The following EP400 variants were observed in gnomAD, a reference collection of about 807,000 sequenced individuals.
EP400 encodes E1A-binding protein p400.
In EP400, 105 loss-of-function variants were observed where a neutral mutation model predicts 354.1. That is an observed-to-expected ratio of 0.30 (90% CI 0.25 to 0.35). The LOEUF (loss-of-function observed/expected upper bound fraction) is 0.35. Ranked by LOEUF, EP400 falls within the 10% of genes least tolerant of loss-of-function variation. The probability of loss-of-function intolerance (pLI) is 1.00; values close to 1 mark genes in which losing one functional copy is unlikely to be tolerated. For missense variants in EP400, 3,280 were observed against 4,121.0 expected (o/e 0.80, Z 5.59); for synonymous variants, 1,646 against 1,716.9 (o/e 0.96, Z 1.02).
intron 51 of EP400, among the ~76,000 whole-genome samples, chr12:132,069,957 T>C (rs1196522144): frequency 1.3e-5 from 2 of 151,986 alleles, no homozygotes; most frequent in Non-Finnish European, 2.9e-5. Flanking sequence ...TTTAAAAATA[T>C]ATTTTATTTT....
rs1895075269 is a variant in EP400, at chr12:132,045,744, G to A, written c.7044G>A (p.Leu2348=). 6.2e-7 allele frequency: 1 copy of A among 1,614,246 alleles called. No homozygotes were observed. The highest frequency in any genetic ancestry group is 2.2e-5 in the East Asian group (1 of 44,888). ...WALLQAVKQL[L]ELPLNLTIVS... is the part of the protein sequence containing the mutation. ...TTCTCTAGGCTGTAAAGCAGTTACT[G>A]GAGCTGCCTTTGAACCTCACAATCG... Residue 2348 remains leucine, a synonymous_variant, in exon 39 of 53, where the codon CTG becomes CTA. Transcript: ENST00000389561.
rs748684899 is a variant in EP400 at position 132,032,036 on chromosome 12, T to C, written c.5838T>C (p.Leu1946=). ...STHSRTTGIN[L]VEADTVVFYD... is the part of the protein sequence containing the mutation. Reference sequence around the variant, plus strand: ...ACAGCCGTACCACAGGTATAAACCTTGTAGAGGCGGACACCGTCGTGTTTT... The same window carrying C: ...ACAGCCGTACCACAGGTATAAACCTCGTAGAGGCGGACACCGTCGTGTTTT... The change falls in exon 30 of 53, where the codon CTT becomes CTC. Residue 1946 remains leucine, a synonymous_variant. Coordinates refer to ENST00000389561, the MANE Select transcript of EP400 (RefSeq NM_015409.5). 3 of 1,614,228 alleles carry C rather than the reference T, an allele frequency of 1.9e-6. No individual in the cohort carries two copies. The highest frequency in any genetic ancestry group is 2.5e-6 in the Non-Finnish European group (3 of 1,180,040).
intron 30 of EP400, among the ~76,000 whole-genome samples, chr12:132,036,937 T>C (rs1894738596): frequency 1.3e-5 from 2 of 152,220 alleles, no homozygotes; most frequent in Non-Finnish European, 2.9e-5. Context: ...GGTTTCTCTT[T>C]AATATTTAGG....
chr12:132,016,395 T>C (rs1425105047), intron 19 of EP400, among the ~76,000 whole-genome samples: 3 of 151,550 alleles, frequency 2.0e-5, no homozygotes, highest in Admixed American at 2.0e-4. Context: ...TGAGATGGAG[T>C]CTCGCTCTTG....
At chr12:132,022,491 G>C (rs1376610593) in intron 23 of EP400, among the ~76,000 whole-genome samples, 1 of 152,138 alleles carries the variant, frequency 6.6e-6, no homozygotes, top group Non-Finnish European at 1.5e-5. Context: ...TTCTGGCATG[G>C]ATTTCTCGGG....
intron 41 of EP400, among the ~76,000 whole-genome samples, chr12:132,051,352 TA>T (rs925114819): frequency 7.2e-5 from 11 of 152,062 alleles, no homozygotes; most frequent in Admixed American, 7.2e-4. Flanking sequence ...AAGACAGAGA[TA>T]AAAGACAGCT....
intron 1 of EP400, 123 bp from the exon 2 acceptor site, chr12:131,960,462 G>C: frequency 1.0e-6 from 1 of 968,850 alleles, no homozygotes; most frequent in Non-Finnish European, 1.5e-6. Context: ...ATGTGAGTCA[G>C]CTCTGTCGTT....
intron 12 of EP400, among the ~76,000 whole-genome samples, chr12:131,995,710 G>A (rs1318804683): frequency 1.4e-5 from 2 of 145,426 alleles, no homozygotes; most frequent in Non-Finnish European, 3.0e-5. Flanking sequence ...TGAATGTGCC[G>A]TTCATCCTGA....
At position 132,027,514 on chromosome 12, in the gene EP400, A is replaced by G. The variant is rs774126290; in HGVS notation, c.5092A>G (p.Ile1698Val). Residue 1698 changes from isoleucine to valine, a missense_variant, in exon 26 of 53, where the codon ATT (isoleucine) becomes GTT (valine). Coordinates refer to ENST00000389561, the MANE Select transcript of EP400 (RefSeq NM_015409.5). This position sits in a 1 kb window ranked among gnomAD's most constrained non-coding sequence, Gnocchi z 4.9. ...AACGGCCTCCAAACCAGCTTCTCCCATTGGAGGGCCGACCCAGGTAAGCAC... is the reference window on the plus strand; with the variant it reads ...AACGGCCTCCAAACCAGCTTCTCCCGTTGGAGGGCCGACCCAGGTAAGCAC... ...PGTASKPASP[I>V]GGPTQEEKTR... 3.7e-6 allele frequency: 6 copies of G among 1,612,918 alleles called. 1 individual carries two copies. In the Middle Eastern group the frequency reaches 9.9e-4, roughly 267 times the overall value.
At chr12:132,059,075 A>G (rs1895606642) in intron 45 of EP400, among the ~76,000 whole-genome samples, 1 of 149,448 alleles carries the variant, frequency 6.7e-6, no homozygotes, top group African/African-American at 2.5e-5. Flanking sequence ...AGAATAATTA[A>G]TTATCAGGCC....
intron 15 of EP400, among the ~76,000 whole-genome samples, chr12:132,008,493 G>A (rs1390908116): frequency 6.6e-6 from 1 of 152,162 alleles, no homozygotes; most frequent in Non-Finnish European, 1.5e-5. Context: ...GTTAATTCAA[G>A]ATGGAAAAGC....
At position 131,960,707 on chromosome 12, in the gene EP400, G is replaced by GGGCCCCCCCCCCCCC. The variant is rs71453134; in HGVS notation, c.88_89insGGCCCCCCCCCCCCC (p.Ala30delinsGlyProProProProPro). 2.6e-6 allele frequency: 4 copies of GGGCCCCCCCCCCCCC among 1,545,586 alleles called. No individual in the cohort carries two copies. The highest frequency in any genetic ancestry group is 3.5e-6 in the Non-Finnish European group (4 of 1,146,242). ...TGGCAGCGAGGGTGAGGAGCAGCCGGCCCACCCCAACCCACCCCCGTCCCC... is the reference window on the plus strand; with the variant it reads ...TGGCAGCGAGGGTGAGGAGCAGCCGGGGCCCCCCCCCCCCCCCCACCCCAACCCACCCCCGTCCCC... On this transcript the variant is annotated protein_altering_variant, in exon 2 of 53. Transcript: ENST00000389561.
chr12:132,072,669 C>G (rs543277048), intron 51 of EP400, among the ~76,000 whole-genome samples: 8 of 152,276 alleles, frequency 5.3e-5, no homozygotes, highest in African/African-American at 1.9e-4. Context: ...GTAACTGGGT[C>G]AAGTTTACTG....
At chr12:132,056,803 AT>A (rs1895530435) in intron 45 of EP400, among the ~76,000 whole-genome samples, 1 of 152,250 alleles carries the variant, frequency 6.6e-6, no homozygotes, top group South Asian at 2.1e-4. Flanking sequence ...AACGAAAAGC[AT>A]AGACTGGGAG....
intron 2 of EP400, among the ~76,000 whole-genome samples, chr12:131,976,060 G>A (rs554493391): frequency 2.6e-5 from 4 of 151,822 alleles, no homozygotes; most frequent in South Asian, 2.1e-4. Context: ...TTTTTATTTC[G>A]GATGTTGTAT....
At chr12:131,985,692 C>T (rs1319506810) in intron 5 of EP400, among the ~76,000 whole-genome samples, 1 of 152,206 alleles carries the variant, frequency 6.6e-6, no homozygotes, top group African/African-American at 2.4e-5. Context: ...ACCACAACCT[C>T]CGCCTCTTGG....
chr12:132,013,087 C>A lies in EP400; in HGVS notation c.3520C>A (p.Arg1174=), dbSNP rs1372461877. The A allele has an allele frequency of 6.2e-7, 1 of 1,613,962 alleles. No homozygotes were observed. Among genetic ancestry groups the A allele is most frequent in the African/African-American group, 1.3e-5 (1 of 74,924 alleles). ...CTTCCGGGGCCTCACCGCCTTCACA[C>A]GAGTGCGCTGGAAGTGCCTGGTCAT... is the stretch of plus-strand genomic sequence containing the variant. ...QFFRGLTAFT[R]VRWKCLVIDE... is the part of the protein sequence containing the mutation. The change falls in exon 17 of 53, where the codon CGA becomes AGA. Residue 1174 remains arginine, a synonymous_variant. Transcript: ENST00000389561. This position sits in a 1 kb window ranked among gnomAD's most constrained non-coding sequence, Gnocchi z 4.5.
chr12:132,037,331 C>T (rs965055511), intron 30 of EP400, among the ~76,000 whole-genome samples: 1 of 152,158 alleles, frequency 6.6e-6, no homozygotes, highest in Non-Finnish European at 1.5e-5. Flanking sequence ...GCCTGTTGGG[C>T]TCAGTGAAAG....
At chr12:132,074,055 G>T (rs545261079) in intron 51 of EP400, among the ~76,000 whole-genome samples, 9 of 148,956 alleles carry the variant, frequency 6.0e-5, no homozygotes, top group Admixed American at 2.7e-4. Flanking sequence ...CTCCCGAGTA[G>T]CTGGGACTAC....
Sources: gnomAD v4.1 joint callset for allele counts (sites outside exome capture counted in the v4.1 genomes callset) on GRCh38, gnomAD v4.1.1 for gene constraint, Gnocchi (gnomAD v3.1) non-coding constraint, MANE v1.5 for transcripts, NCBI Gene and HGNC (gene_info 2026-07-23, HGNC 2026-07-21) for gene names.